CADPS2: variants seen among roughly 807,000 people sequenced by gnomAD.
CADPS2 encodes the protein calcium-dependent secretion activator 2.
A neutral mutation model predicts 172.5 loss-of-function variants in CADPS2; 93 were observed. That is an observed-to-expected ratio of 0.54 (90% CI 0.46 to 0.64). The LOEUF is 0.64. Ranked by LOEUF, CADPS2 falls within the 30% of genes least tolerant of loss-of-function variation. The pLI, the probability that CADPS2 is intolerant of heterozygous loss-of-function variation, is 0.00. For synonymous variants in CADPS2, 546 were observed against 555.2 expected, an observed-to-expected ratio of 0.98 and a Z score of 0.23; for missense variants, 1,420 against 1,565.9, an observed-to-expected ratio of 0.91 and a Z score of 1.57.
At chr7:122,645,246 C>CGCAT (rs1554687245) in intron 3 of CADPS2, among the ~76,000 whole-genome samples, 4 of 139,562 alleles carry the variant, frequency 2.9e-5, no homozygotes, top group African/African-American at 1.1e-4. Flanking sequence ...TATATACACA[C>CGCAT]ATGTACATGT....
intron 2 of CADPS2, among the ~76,000 whole-genome samples, chr7:122,685,067 T>C (rs181466464): frequency 1.7e-3 from 253 of 152,304 alleles, no homozygotes; most frequent in African/African-American, 5.8e-3. Context: ...TTTTAACAGA[T>C]GGCAACTACA....
intron 1 of CADPS2, among the ~76,000 whole-genome samples, chr7:122,763,400 T>C (rs1406154403): frequency 2.0e-5 from 3 of 152,130 alleles, no homozygotes; most frequent in Admixed American, 1.3e-4. Context: ...ATGGCTAAAA[T>C]TGACAAACCC....
chr7:122,419,597 T>C (rs1300167940), intron 17 of CADPS2, among the ~76,000 whole-genome samples: 1 of 152,138 alleles, frequency 6.6e-6, no homozygotes, highest in East Asian at 1.9e-4. Context: ...GTATCTTTCA[T>C]CAGATTCTCA....
intron 14 of CADPS2, among the ~76,000 whole-genome samples, chr7:122,470,438 G>A (rs1008089003): frequency 2.0e-5 from 3 of 151,980 alleles, no homozygotes; most frequent in Non-Finnish European, 2.9e-5. Flanking sequence ...CATCAAATAT[G>A]TATTGAGCAA....
At chr7:122,490,376 G>T in intron 10 of CADPS2, 95 bp from the exon 11 acceptor site, 2 of 857,006 alleles carry the variant, frequency 2.3e-6, no homozygotes, top group Non-Finnish European at 3.8e-6. Context: ...GAATGGCTTT[G>T]ATATTAGCAG....
chr7:122,866,196 C>T (rs751518490), intron 1 of CADPS2, among the ~76,000 whole-genome samples: 4 of 152,240 alleles, frequency 2.6e-5, no homozygotes, highest in Non-Finnish European at 4.4e-5. Context: ...CTCAAAATAG[C>T]ACAGTTTCAC....
chr7:122,669,634 A>G (rs1200779989), intron 2 of CADPS2, among the ~76,000 whole-genome samples: 1 of 151,928 alleles, frequency 6.6e-6, no homozygotes, highest in East Asian at 2.0e-4. Context: ...CTACGTGTAG[A>G]GGACAACGAA....
At chr7:122,671,674 A>C (rs1049255614) in intron 2 of CADPS2, among the ~76,000 whole-genome samples, 3 of 152,234 alleles carry the variant, frequency 2.0e-5, no homozygotes, top group African/African-American at 7.2e-5. Context: ...AGCAGGGCTC[A>C]CAGTACAGTG....
At chr7:122,582,978 T>C (rs2069053152) in intron 6 of CADPS2, among the ~76,000 whole-genome samples, 1 of 151,998 alleles carries the variant, frequency 6.6e-6, no homozygotes, top group Admixed American at 6.6e-5. Flanking sequence ...CAATACATGA[T>C]TCTTCAAAGA....
chr7:122,789,234 A>C (rs1392028595), intron 1 of CADPS2, among the ~76,000 whole-genome samples: 1 of 152,170 alleles, frequency 6.6e-6, no homozygotes, highest in Non-Finnish European at 1.5e-5. Context: ...TGCCAACTAC[A>C]GCAGCCCAGA....
intron 22 of CADPS2, among the ~76,000 whole-genome samples, chr7:122,390,367 A>G (rs1331004909): frequency 1.3e-5 from 2 of 152,126 alleles, no homozygotes; most frequent in East Asian, 1.9e-4. Context: ...TCACATCCAC[A>G]GTGTACAGCT....
intron 1 of CADPS2, among the ~76,000 whole-genome samples, chr7:122,753,004 C>T (rs974581067): frequency 6.6e-6 from 1 of 152,116 alleles, no homozygotes; most frequent in Non-Finnish European, 1.5e-5. Flanking sequence ...AAATTCTGCT[C>T]TCCAAAGGGA....
intron 2 of CADPS2, among the ~76,000 whole-genome samples, chr7:122,718,028 C>T (rs2089889544): frequency 9.5e-6 from 1 of 105,122 alleles, no homozygotes; most frequent in South Asian, 3.3e-4. Context: ...CAAAGTCTCT[C>T]TATATTGCCC....
chr7:122,450,185 TAA>T (rs1214511937), intron 15 of CADPS2, among the ~76,000 whole-genome samples: 1 of 152,202 alleles, frequency 6.6e-6, no homozygotes, highest in Non-Finnish European at 1.5e-5. Context: ...ACATATTCAC[TAA>T]GTTTATTTTT....
Position 122,722,297 on chromosome 7 carries a change from C to T in CADPS2, c.453+14658G>A, listed in dbSNP as rs532149167. On this transcript the variant is annotated intron_variant, in intron 2 of 29. Coordinates refer to ENST00000449022, the MANE Select transcript of CADPS2 (RefSeq NM_017954.11). ...TGATTGTATATCTAGAAAACCCCATCGTCTCAGCCCAAAATCTCCTTAAGC... is the reference window on the plus strand; with the variant it reads ...TGATTGTATATCTAGAAAACCCCATTGTCTCAGCCCAAAATCTCCTTAAGC... Among the ~76,000 whole-genome samples, 907 of 151,914 alleles carry T rather than the reference C, an allele frequency of 6.0e-3. 5 individuals carry two copies. The highest frequency in any genetic ancestry group is 0.019 in the African/African-American group (795 of 41,448).
chr7:122,330,873 GTC>G (rs2034819758), intron 28 of CADPS2: 1 of 152,204 alleles, frequency 6.6e-6, no homozygotes, highest in African/African-American at 2.4e-5. Flanking sequence ...GCTGGATTGA[GTC>G]TGTTACGCAC....
At chr7:122,578,131 CT>C (rs1251350116) in intron 7 of CADPS2, among the ~76,000 whole-genome samples, 7 of 150,200 alleles carry the variant, frequency 4.7e-5, no homozygotes, top group Non-Finnish European at 8.9e-5. Flanking sequence ...TATGTATATA[CT>C]TTTGTATATA....
At chr7:122,705,378 AT>A (rs1257093987) in intron 2 of CADPS2, among the ~76,000 whole-genome samples, 1 of 146,794 alleles carries the variant, frequency 6.8e-6, no homozygotes, top group Non-Finnish European at 1.5e-5. Context: ...ATTCTGTTGA[AT>A]TTTGCAGGTA....
At chr7:122,381,466 A>G (rs1463244661) in intron 24 of CADPS2, among the ~76,000 whole-genome samples, 2 of 152,228 alleles carry the variant, frequency 1.3e-5, no homozygotes, top group East Asian at 3.9e-4. Flanking sequence ...CTCTGTTTTC[A>G]TAACTTCCAT....
Sources: gnomAD v4.1 joint callset for allele counts (sites outside exome capture counted in the v4.1 genomes callset) on GRCh38, gnomAD v4.1.1 for gene constraint, MANE v1.5 for transcripts, NCBI Gene and HGNC (gene_info 2026-07-23, HGNC 2026-07-21) for gene names.